AGAP1: variants seen among roughly 807,000 people sequenced by gnomAD.
AGAP1 encodes arf-GAP with GTPase, ANK repeat and PH domain-containing protein 1.
Under a neutral mutation model 105.3 loss-of-function variants are expected in AGAP1, and 29 were observed. The observed-to-expected ratio is 0.28, with a 90% CI of 0.21 to 0.38. The LOEUF (loss-of-function observed/expected upper bound fraction) is 0.38, where lower values mean the gene tolerates loss of function less well. Among genes scored for constraint, AGAP1 ranks in the 10% least tolerant of loss-of-function variants. The probability of loss-of-function intolerance (pLI) is 1.00; values close to 1 mark genes in which losing one functional copy is unlikely to be tolerated. For missense variants in AGAP1, 998 were observed against 1,165.1 expected (o/e 0.86, Z 2.09); for synonymous variants, 509 against 485.9 (o/e 1.05, Z -0.63).
At position 235,689,778 on chromosome 2, in the gene AGAP1, C is replaced by T. The variant is rs967205877; in HGVS notation, c.164-19401C>T. 6.6e-6 allele frequency among the ~76,000 whole-genome samples: 1 copy of T among 152,176 alleles called. No individual in the cohort carries two copies. Among genetic ancestry groups the T allele is most frequent in the Non-Finnish European group, 1.5e-5 (1 of 68,042 alleles). ...TGTGTGTACGTGCACACTTGTGTGACGTGTCAGCTCGTGCCTGCAGAGACT... is the reference window on the plus strand; with the variant it reads ...TGTGTGTACGTGCACACTTGTGTGATGTGTCAGCTCGTGCCTGCAGAGACT... On this transcript the variant is annotated intron_variant, in intron 1 of 17. Transcript: ENST00000304032. The surrounding 1 kb of genome is among the most constrained non-coding windows in gnomAD (Gnocchi z 4.2).
intron 16 of AGAP1, among the ~76,000 whole-genome samples, chr2:236,098,251 C>T (rs552461219): frequency 1.3e-5 from 2 of 152,186 alleles, no homozygotes; most frequent in Non-Finnish European, 2.9e-5. Flanking sequence ...ACCGTCATAC[C>T]GGTTTTTCAG....
At position 235,700,314 on chromosome 2, in the gene AGAP1, T is replaced by G. The variant is rs977244733; in HGVS notation, c.164-8865T>G. 6.6e-6 allele frequency among the ~76,000 whole-genome samples: 1 copy of G among 152,200 alleles called. No homozygotes were observed. The highest frequency in any genetic ancestry group is 6.5e-5 in the Admixed American group (1 of 15,280). ...CTGTAGGTGGGCCTCTGTTTTCACATTTTAAGAAGGAAAGGGCAATTTTCT... is the reference window on the plus strand; with the variant it reads ...CTGTAGGTGGGCCTCTGTTTTCACAGTTTAAGAAGGAAAGGGCAATTTTCT... On this transcript the variant is annotated intron_variant, in intron 1 of 17. Transcript: ENST00000304032. This position sits in a 1 kb window ranked among gnomAD's most constrained non-coding sequence, Gnocchi z 6.1.
intron 9 of AGAP1, among the ~76,000 whole-genome samples, chr2:235,829,384 A>G (rs1027765938): frequency 3.9e-5 from 6 of 152,174 alleles, no homozygotes; most frequent in Non-Finnish European, 5.9e-5. Flanking sequence ...AGGGAGAAGT[A>G]TTTTCAGGAT....
intron 1 of AGAP1, among the ~76,000 whole-genome samples, chr2:235,653,552 G>A (rs1473570427): frequency 6.6e-6 from 1 of 151,890 alleles, no homozygotes; most frequent in Non-Finnish European, 1.5e-5. Flanking sequence ...ATAAAAAAGT[G>A]CACACTCCCT....
rs1190125018 is a variant in AGAP1 at position 235,721,180 on chromosome 2, G to A, written c.310+3536G>A. On this transcript the variant is annotated intron_variant, in intron 3 of 17. Coordinates refer to ENST00000304032, the MANE Select transcript of AGAP1 (RefSeq NM_001037131.3). The surrounding 1 kb of genome is among the most constrained non-coding windows in gnomAD (Gnocchi z 4.5). ...CCCCCACCGCGCCCGGATAATTTTT[G>A]TATTTTTGGTAGAGGCAGGGTTTCA... Among the ~76,000 whole-genome samples, 3 of 151,860 alleles carry A rather than the reference G, an allele frequency of 2.0e-5. No individual in the cohort carries two copies. Among genetic ancestry groups the A allele is most frequent in the Admixed American group, 6.6e-5 (1 of 15,236 alleles).
intron 16 of AGAP1, among the ~76,000 whole-genome samples, chr2:236,079,527 C>T (rs2058726920): frequency 6.9e-6 from 1 of 144,354 alleles, no homozygotes; most frequent in African/African-American, 2.7e-5. Context: ...GAGACCTCGT[C>T]TCAAAAAAAA....
At chr2:235,806,647 A>C (rs1216255252) in intron 8 of AGAP1, among the ~76,000 whole-genome samples, 1 of 152,186 alleles carries the variant, frequency 6.6e-6, no homozygotes, top group African/African-American at 2.4e-5. Flanking sequence ...GGCGATTATC[A>C]GGGGTTTTTT....
chr2:236,047,409 G>A (rs1181377391), intron 15 of AGAP1, among the ~76,000 whole-genome samples: 1 of 151,828 alleles, frequency 6.6e-6, no homozygotes, highest in Admixed American at 6.6e-5. Context: ...CCCAGGCCAG[G>A]GCCTCCTCTG....
At chr2:235,516,663 C>T (rs1409411852) in intron 1 of AGAP1, among the ~76,000 whole-genome samples, 1 of 152,168 alleles carries the variant, frequency 6.6e-6, no homozygotes, top group Non-Finnish European at 1.5e-5. Flanking sequence ...GCCCTGTGCA[C>T]CCTGGCTTCC....
chr2:235,685,563 A>G (rs1490598340), intron 1 of AGAP1, among the ~76,000 whole-genome samples: 1 of 151,594 alleles, frequency 6.6e-6, no homozygotes, highest in Non-Finnish European at 1.5e-5. Flanking sequence ...GAGGCCCCTC[A>G]CTGCTCCACG....
intron 16 of AGAP1, among the ~76,000 whole-genome samples, chr2:236,094,098 A>G (rs1179409536): frequency 1.3e-5 from 2 of 152,120 alleles, no homozygotes; most frequent in African/African-American, 4.8e-5. Flanking sequence ...AATTATGGGC[A>G]CTCAGCTGTA....
At chr2:235,673,901 A>C (rs1432968558) in intron 1 of AGAP1, among the ~76,000 whole-genome samples, 1 of 152,240 alleles carries the variant, frequency 6.6e-6, no homozygotes, top group African/African-American at 2.4e-5. Flanking sequence ...AGACTAAGTA[A>C]TTATTGCATT....
chr2:235,769,866 A>G lies in AGAP1; in HGVS notation c.673+19378A>G, dbSNP rs941924371. On this transcript the variant is annotated intron_variant, in intron 6 of 17. Transcript: ENST00000304032. The surrounding 1 kb of genome is among the most constrained non-coding windows in gnomAD (Gnocchi z 4.4). ...AGGACATGGCCCTCGGCTGCCAAGGAGCATCCAGTCCTTTCCAAGGACTTT... is the reference window on the plus strand; with the variant it reads ...AGGACATGGCCCTCGGCTGCCAAGGGGCATCCAGTCCTTTCCAAGGACTTT... 2.0e-5 allele frequency among the ~76,000 whole-genome samples: 3 copies of G among 152,156 alleles called. No homozygotes were observed. Among genetic ancestry groups the G allele is most frequent in the Non-Finnish European group, 4.4e-5 (3 of 68,030 alleles).
At chr2:235,498,576 G>A (rs1941424005) in intron 1 of AGAP1, among the ~76,000 whole-genome samples, 1 of 152,228 alleles carries the variant, frequency 6.6e-6, no homozygotes, top group South Asian at 2.1e-4. Context: ...TGAGGTAGAT[G>A]AATTAACTGC....
rs1029588201 is a variant in AGAP1 at position 235,964,608 on chromosome 2, CT to C, written c.1484-3853del. 1.3e-5 allele frequency among the ~76,000 whole-genome samples: 2 copies of C among 152,162 alleles called. No homozygotes were observed. The highest frequency in any genetic ancestry group is 6.5e-5 in the Admixed American group (1 of 15,274). ...TTGGGGTCTCTGGATGCCCCACCCCCTGAACGTTATGAGGCTTCTGAACACT... is the reference window on the plus strand; with the variant it reads ...TTGGGGTCTCTGGATGCCCCACCCCCGAACGTTATGAGGCTTCTGAACACT... On this transcript the variant is annotated intron_variant, in intron 12 of 17. Coordinates refer to ENST00000304032, the MANE Select transcript of AGAP1 (RefSeq NM_001037131.3). This position sits in a 1 kb window ranked among gnomAD's most constrained non-coding sequence, Gnocchi z 4.6.
intron 13 of AGAP1, among the ~76,000 whole-genome samples, chr2:236,025,462 ATTC>A (rs1477770344): frequency 1.3e-5 from 2 of 152,202 alleles, no homozygotes; most frequent in African/African-American, 4.8e-5. Flanking sequence ...TCTGCTAAAA[ATTC>A]TTCTTTGAAC....
chr2:235,749,714 C>G (rs1953272557), intron 5 of AGAP1, among the ~76,000 whole-genome samples: 1 of 152,226 alleles, frequency 6.6e-6, no homozygotes, highest in South Asian at 2.1e-4. Context: ...CCCAGAGTCA[C>G]CCAAGCCTCC....
intron 1 of AGAP1, among the ~76,000 whole-genome samples, chr2:235,528,512 G>T (rs570519637): frequency 2.0e-5 from 3 of 152,176 alleles, no homozygotes. Flanking sequence ...AGCACAGTGT[G>T]TGGGAGTTGC....
rs904670330 is a variant in AGAP1, at chr2:235,908,705, T to C, written c.1156-33T>C. On this transcript the variant is annotated intron_variant, in intron 10 of 17. Coordinates refer to ENST00000304032, the MANE Select transcript of AGAP1 (RefSeq NM_001037131.3). This position sits in a 1 kb window ranked among gnomAD's most constrained non-coding sequence, Gnocchi z 4.4. ...GTTGTAAAAGGTCTTTTTTTTTTTT[T>C]TATCTCTCTTGGATGTTTAACATTT... is the stretch of plus-strand genomic sequence containing the variant. The C allele has an allele frequency of 6.5e-7, 1 of 1,534,262 alleles. No individual in the cohort carries two copies. The highest frequency in any genetic ancestry group is 2.3e-5 in the East Asian group (1 of 44,112).
Sources: gnomAD v4.1 joint callset for allele counts (sites outside exome capture counted in the v4.1 genomes callset) on GRCh38, gnomAD v4.1.1 for gene constraint, Gnocchi (gnomAD v3.1) non-coding constraint, MANE v1.5 for transcripts, NCBI Gene and HGNC (gene_info 2026-07-23, HGNC 2026-07-21) for gene names.